The following CNTN5 variants were observed in gnomAD, a reference collection of about 807,000 sequenced individuals.
The protein encoded by CNTN5 is contactin-5.
A neutral mutation model predicts 129.1 loss-of-function variants in CNTN5; 77 were observed. The ratio of observed to expected loss-of-function variants is 0.60; its 90% CI spans 0.50 to 0.72. CNTN5 has a LOEUF of 0.72. Among genes scored for constraint, CNTN5 ranks in the 30% least tolerant of loss-of-function variants. The probability of loss-of-function intolerance (pLI) is 0.00; values close to 1 mark genes in which losing one functional copy is unlikely to be tolerated. For synonymous variants in CNTN5, 509 were observed against 465.6 expected (o/e 1.09, Z -1.20); for missense variants, 1,478 against 1,328.8 (o/e 1.11, Z -1.75).
At chr11:99,028,256 G>T (rs1325777086) in intron 1 of CNTN5, among the ~76,000 whole-genome samples, 1 of 151,812 alleles carries the variant, frequency 6.6e-6, no homozygotes, top group Non-Finnish European at 1.5e-5. Context: ...GTTAGTAAGT[G>T]CCACAGTGAG....
chr11:99,224,616 A>C (rs1036970021), intron 1 of CNTN5, among the ~76,000 whole-genome samples: 1 of 150,250 alleles, frequency 6.7e-6, no homozygotes, highest in African/African-American at 2.5e-5. Context: ...ACTAACAGCT[A>C]GCTATCTTCC....
intron 2 of CNTN5, among the ~76,000 whole-genome samples, chr11:99,465,406 C>T (rs1410404081): frequency 1.3e-5 from 2 of 152,088 alleles, no homozygotes; most frequent in Non-Finnish European, 2.9e-5. Flanking sequence ...CTTGCACTTT[C>T]TATGCATTAT....
At chr11:100,212,831 A>C (rs530888905) in intron 15 of CNTN5, among the ~76,000 whole-genome samples, 1 of 152,250 alleles carries the variant, frequency 6.6e-6, no homozygotes, top group Admixed American at 6.5e-5. Flanking sequence ...AGTGGACACC[A>C]ACCATGTTTT....
chr11:99,165,031 GT>G (rs1467801090), intron 1 of CNTN5, among the ~76,000 whole-genome samples: 1 of 151,890 alleles, frequency 6.6e-6, no homozygotes, highest in African/African-American at 2.4e-5. Flanking sequence ...TTTTTTTTTA[GT>G]TGTTGGGTAA....
chr11:99,469,797 A>C (rs1015947088), intron 2 of CNTN5, among the ~76,000 whole-genome samples: 5 of 152,062 alleles, frequency 3.3e-5, no homozygotes, highest in Non-Finnish European at 7.4e-5. Context: ...TGTACCTTTA[A>C]GCAAATCTCA....
chr11:100,211,749 G>GT (rs1331369462), intron 15 of CNTN5, among the ~76,000 whole-genome samples: 6 of 151,896 alleles, frequency 4.0e-5, no homozygotes, highest in Admixed American at 6.6e-5. Context: ...CAGTTTGTTT[G>GT]TTTTTTTAAC....
At chr11:99,979,645 G>A (rs929428837) in intron 8 of CNTN5, among the ~76,000 whole-genome samples, 1 of 152,154 alleles carries the variant, frequency 6.6e-6, no homozygotes, top group Non-Finnish European at 1.5e-5. Context: ...AACTATGTTA[G>A]TGGTATGAAC....
At chr11:99,921,524 C>G (rs1949938715) in intron 7 of CNTN5, among the ~76,000 whole-genome samples, 1 of 152,172 alleles carries the variant, frequency 6.6e-6, no homozygotes, top group Admixed American at 6.6e-5. Flanking sequence ...GTTTCTCCAT[C>G]TTTGCTTTAT....
chr11:99,942,373 G>T (rs190835976), intron 7 of CNTN5, among the ~76,000 whole-genome samples: 2 of 151,916 alleles, frequency 1.3e-5, no homozygotes, highest in Admixed American at 1.3e-4. Context: ...ATCCAAACTG[G>T]ATCATTTTTG....
intron 3 of CNTN5, among the ~76,000 whole-genome samples, chr11:99,708,424 C>T (rs544137716): frequency 1.3e-5 from 2 of 151,234 alleles, no homozygotes; most frequent in African/African-American, 2.4e-5. Context: ...TGTAATGTCA[C>T]AGTCAATCAG....
chr11:99,632,865 A>G (rs1951413895), intron 3 of CNTN5, among the ~76,000 whole-genome samples: 1 of 152,032 alleles, frequency 6.6e-6, no homozygotes, highest in Non-Finnish European at 1.5e-5. Flanking sequence ...AACCATCCAA[A>G]TGTCCTTAAT....
intron 1 of CNTN5, among the ~76,000 whole-genome samples, chr11:99,031,108 C>G (rs963284126): frequency 3.9e-5 from 6 of 151,928 alleles, no homozygotes; most frequent in Admixed American, 3.9e-4. Flanking sequence ...AATGCTAACT[C>G]TTTAAAACAA....
chr11:99,997,312 T>C (rs1468117379), intron 8 of CNTN5, among the ~76,000 whole-genome samples: 5 of 152,224 alleles, frequency 3.3e-5, no homozygotes, highest in Non-Finnish European at 7.3e-5. Flanking sequence ...CTTTTCTAGT[T>C]ATTTTAATTG....
chr11:99,171,210 C>T (rs906015094), intron 1 of CNTN5, among the ~76,000 whole-genome samples: 1 of 152,102 alleles, frequency 6.6e-6, no homozygotes, highest in African/African-American at 2.4e-5. Flanking sequence ...TTCATAGATA[C>T]ATATGCCATC....
intron 21 of CNTN5, among the ~76,000 whole-genome samples, chr11:100,312,536 G>T (rs1951490721): frequency 6.6e-6 from 1 of 151,874 alleles, no homozygotes; most frequent in Non-Finnish European, 1.5e-5. Context: ...TAACAATTTT[G>T]TTTACTTTTA....
chr11:99,301,306 C>T (rs1188356410), intron 1 of CNTN5, among the ~76,000 whole-genome samples: 2 of 127,850 alleles, frequency 1.6e-5, no homozygotes, highest in South Asian at 2.4e-4. Flanking sequence ...ATTGACTGAA[C>T]TGAAAAAAAA....
chr11:99,198,657 A>G (rs1167891181), intron 1 of CNTN5, among the ~76,000 whole-genome samples: 1 of 152,202 alleles, frequency 6.6e-6, no homozygotes, highest in Non-Finnish European at 1.5e-5. Flanking sequence ...TATTTTGTGT[A>G]TTATATATAA....
At chr11:99,630,264 A>G (rs61911157) in intron 3 of CNTN5, among the ~76,000 whole-genome samples, 92,333 of 151,150 alleles carry the variant, frequency 0.61, 29,038 homozygotes, top group Admixed American at 0.73. Flanking sequence ...ATATATATAT[A>G]TATATGTATA....
At chr11:99,556,901 G>A (rs1307442923) in intron 3 of CNTN5, among the ~76,000 whole-genome samples, 1 of 151,028 alleles carries the variant, frequency 6.6e-6, no homozygotes, top group Non-Finnish European at 1.5e-5. Flanking sequence ...AGTATTGGTA[G>A]TAATAATATC....
Sources: gnomAD v4.1 joint callset for allele counts (sites outside exome capture counted in the v4.1 genomes callset) on GRCh38, gnomAD v4.1.1 for gene constraint, MANE v1.5 for transcripts, NCBI Gene and HGNC (gene_info 2026-07-23, HGNC 2026-07-21) for gene names.